The following SMAGP variants were observed in gnomAD, a reference collection of about 807,000 sequenced individuals.
SMAGP encodes the protein small cell transmembrane and glycosylated protein.
Under a neutral mutation model 10.1 loss-of-function variants are expected in SMAGP, and 7 were observed. The ratio of observed to expected loss-of-function variants is 0.70; its 90% CI spans 0.40 to 1.31. The LOEUF (loss-of-function observed/expected upper bound fraction) is 1.31. Among genes scored for constraint, SMAGP ranks in the 50% most tolerant of loss-of-function variants. The pLI is 0.01. For synonymous variants in SMAGP, 49 were observed against 47.2 expected (o/e 1.04, Z -0.16); for missense variants, 113 against 116.5 (o/e 0.97, Z 0.14).
chr12:51,255,225 G>A (rs772649196), intron 2 of SMAGP, among the ~76,000 whole-genome samples: 8 of 151,976 alleles, frequency 5.3e-5, no homozygotes, highest in South Asian at 2.1e-4. Flanking sequence ...TTGGAGAGAC[G>A]GGGTCTTGCT....
chr12:51,257,815 G>T (rs1051833499), intron 2 of SMAGP, among the ~76,000 whole-genome samples: 1 of 151,646 alleles, frequency 6.6e-6, no homozygotes, highest in African/African-American at 2.4e-5. Flanking sequence ...AAAGTGCTGG[G>T]ATTACAGGTG....
chr12:51,256,841 T>C (rs74442791), intron 2 of SMAGP, among the ~76,000 whole-genome samples: 4,526 of 151,332 alleles, frequency 0.03, 256 homozygotes, highest in East Asian at 0.17. Context: ...CATTAGATAT[T>C]TAAGACCATA....
intron 3 of SMAGP, chr12:51,246,481 A>G: frequency 2.3e-6 from 1 of 440,350 alleles, no homozygotes; most frequent in South Asian, 4.7e-5. Context: ...AACCAACCAC[A>G]TATATCCTCG....
At chr12:51,246,409 G>A in intron 3 of SMAGP, 1 of 470,134 alleles carries the variant, frequency 2.1e-6, no homozygotes, top group Non-Finnish European at 3.8e-6. Context: ...GGAGGGAACA[G>A]GAAATGGCTT....
chr12:51,262,867 C>A (rs4761815), intron 2 of SMAGP, among the ~76,000 whole-genome samples: 101,387 of 152,052 alleles, frequency 0.67, 37,809 homozygotes, highest in Non-Finnish European at 0.85. Context: ...TTGCTCTAGA[C>A]CTGCCCAGCA....
Position 51,269,225 on chromosome 12 carries a change from TA to T in SMAGP, c.34+19del. 1.9e-6 allele frequency: 3 copies of T among 1,613,552 alleles called. No individual in the cohort carries two copies. Among genetic ancestry groups the T allele is most frequent in the Non-Finnish European group, 1.7e-6 (2 of 1,179,602 alleles). On this transcript the variant is annotated intron_variant, in intron 2 of 3. Transcript: ENST00000603798. The stretch of plus-strand genomic sequence containing the variant: ...TTGAACAATTCTTTCTCACTGGGAT[TA>T]GGAAAGGCCTTCACCTACCTCTTGG...
At position 51,269,600 on chromosome 12, in the gene SMAGP, T is replaced by G. The variant is rs147805362; in HGVS notation, c.-38-284A>C. The stretch of plus-strand genomic sequence containing the variant: ...AAATTTACTTAGATCTCTCAAGGCC[T>G]GAGAAAGTCAGGCAAAGGTTCGCAA... On this transcript the variant is annotated intron_variant, in intron 1 of 3. Coordinates refer to ENST00000603798, the MANE Select transcript of SMAGP (RefSeq NM_001031628.2). The G allele has an allele frequency of 1.6e-3, 430 of 266,850 alleles. 2 individuals carry two copies. Among genetic ancestry groups the G allele is most frequent in the African/African-American group, 8.7e-3 (398 of 45,996 alleles). 16.5% of individuals were successfully genotyped at this position (266,850 alleles called of 1,614,324 possible).
At chr12:51,268,647 T>C (rs1448463250) in intron 2 of SMAGP, among the ~76,000 whole-genome samples, 1 of 125,972 alleles carries the variant, frequency 7.9e-6, no homozygotes, top group Non-Finnish European at 1.6e-5. Flanking sequence ...TGGAGTGCAA[T>C]GGCACGATCT....
At chr12:51,262,967 T>C (rs779444302) in intron 2 of SMAGP, among the ~76,000 whole-genome samples, 2 of 152,262 alleles carry the variant, frequency 1.3e-5, no homozygotes, top group African/African-American at 2.4e-5. Flanking sequence ...CACCAGCCAG[T>C]TGGGTGGAGT....
intron 2 of SMAGP, among the ~76,000 whole-genome samples, chr12:51,260,414 T>G (rs1944922110): frequency 6.6e-6 from 1 of 152,028 alleles, no homozygotes; most frequent in African/African-American, 2.4e-5. Flanking sequence ...TCTCGCTCTG[T>G]CACCCAGGCT....
At chr12:51,269,906 G>A (rs892817259) in intron 1 of SMAGP, 16 of 151,864 alleles carry the variant, frequency 1.1e-4, no homozygotes, top group Admixed American at 8.5e-4. Context: ...TCCGCGCACA[G>A]CCTGCCAAGC....
chr12:51,264,193 T>C (rs1050090764), intron 2 of SMAGP, among the ~76,000 whole-genome samples: 7 of 152,170 alleles, frequency 4.6e-5, no homozygotes, highest in African/African-American at 1.2e-4. Context: ...AGCTGGCCTT[T>C]AGTGATCCCA....
chr12:51,253,144 C>G (rs778227680), intron 2 of SMAGP, among the ~76,000 whole-genome samples: 2 of 152,046 alleles, frequency 1.3e-5, no homozygotes, highest in African/African-American at 4.8e-5. Context: ...GCTTTGAACT[C>G]GAAACAGCAA....
intron 2 of SMAGP, among the ~76,000 whole-genome samples, chr12:51,259,097 G>A (rs923349052): frequency 1.3e-5 from 2 of 151,624 alleles, no homozygotes; most frequent in Non-Finnish European, 2.9e-5. Flanking sequence ...TTGCGCCACT[G>A]CATGCCAGCC....
At chr12:51,254,817 A>G (rs1565658315) in intron 2 of SMAGP, among the ~76,000 whole-genome samples, 1 of 152,180 alleles carries the variant, frequency 6.6e-6, no homozygotes, top group Non-Finnish European at 1.5e-5. Flanking sequence ...GGCTGTCCAC[A>G]GCACTGAAAA....
At chr12:51,254,756 A>C (rs922862593) in intron 2 of SMAGP, among the ~76,000 whole-genome samples, 8 of 152,104 alleles carry the variant, frequency 5.3e-5, no homozygotes, top group Non-Finnish European at 1.0e-4. Flanking sequence ...AGTCATGCAA[A>C]GAGCTGATTG....
intron 2 of SMAGP, among the ~76,000 whole-genome samples, chr12:51,256,778 C>CA (rs1283258145): frequency 1.7e-5 from 1 of 57,912 alleles, no homozygotes; most frequent in Non-Finnish European, 4.3e-5. Context: ...CCCCCCCACC[C>CA]AAAAAAAGAT....
intron 2 of SMAGP, among the ~76,000 whole-genome samples, chr12:51,250,012 C>A (rs1408630273): frequency 6.6e-6 from 1 of 151,980 alleles, no homozygotes; most frequent in Non-Finnish European, 1.5e-5. Context: ...AATGAGAGAA[C>A]ATGTAAACAT....
intron 2 of SMAGP, among the ~76,000 whole-genome samples, chr12:51,256,707 C>G (rs551347416): frequency 6.7e-6 from 1 of 149,300 alleles, no homozygotes; most frequent in African/African-American, 2.5e-5. Flanking sequence ...GCAATGAGAG[C>G]GAAACTCCGT....
Sources: gnomAD v4.1 joint callset for allele counts (sites outside exome capture counted in the v4.1 genomes callset) on GRCh38, gnomAD v4.1.1 for gene constraint, MANE v1.5 for transcripts, NCBI Gene and HGNC (gene_info 2026-07-23, HGNC 2026-07-21) for gene names.